The following MYO7B variants were observed in gnomAD, a reference collection of about 807,000 sequenced individuals.
The protein encoded by MYO7B is myosin VIIB.
MYO7B carries 212 observed loss-of-function variants against 259.7 expected under a neutral mutation model. The observed-to-expected ratio is 0.82, with a 90% confidence interval of 0.73 to 0.91. MYO7B has a LOEUF of 0.91. Ranked by LOEUF, MYO7B falls within the 40% of genes least tolerant of loss-of-function variation. The pLI, the probability that MYO7B is intolerant of heterozygous loss-of-function variation, is 0.00. For synonymous variants in MYO7B, 1,197 were observed against 1,166.4 expected (o/e 1.03, Z -0.54); for missense variants, 2,732 against 2,813.5 (o/e 0.97, Z 0.66).
At chr2:127,564,497 CA>C (rs1303962722) in intron 3 of MYO7B, among the ~76,000 whole-genome samples, 3 of 152,072 alleles carry the variant, frequency 2.0e-5, no homozygotes, top group Non-Finnish European at 4.4e-5. Flanking sequence ...CTGGAAGGGC[CA>C]GAGGGGCAGA....
chr2:127,583,521 G>A (rs181045539), intron 12 of MYO7B, among the ~76,000 whole-genome samples: 1 of 152,208 alleles, frequency 6.6e-6, no homozygotes, highest in African/African-American at 2.4e-5. Context: ...AGACAGCATG[G>A]GCCAGACTTT....
chr2:127,536,102 G>T (rs1443836661), intron 1 of MYO7B, among the ~76,000 whole-genome samples: 1 of 152,290 alleles, frequency 6.6e-6, no homozygotes, highest in South Asian at 2.1e-4. Context: ...ACTCCCTGCA[G>T]GAGGGGAACG....
Position 127,597,290 on chromosome 2 carries a change from C to T in MYO7B, c.2339+734C>T, listed in dbSNP as rs1309586986. On this transcript the variant is annotated intron_variant, in intron 19 of 47. Transcript: ENST00000409816. The surrounding 1 kb of genome is among the most constrained non-coding windows in gnomAD (Gnocchi z 4.8). ...CTGACTCCCAACATTTTAAATTAAA[C>T]TTTTTGTTTTGAGATTACTGTAGAT... 6.6e-6 allele frequency among the ~76,000 whole-genome samples: 1 copy of T among 152,202 alleles called. No individual in the cohort carries two copies. Among genetic ancestry groups the T allele is most frequent in the East Asian group, 1.9e-4 (1 of 5,202 alleles).
Position 127,569,804 on chromosome 2 carries a change from T to G in MYO7B, c.486T>G (p.Ala162=). The change falls in exon 6 of 48, where the codon GCT becomes GCG. Residue 162 remains alanine (A), a synonymous_variant. Transcript: ENST00000409816. ...QCCIISGESG[A]GKTETTKLIL... Reference sequence around the variant, plus strand: ...CTTTTTGCAGCGGCGAGTCTGGGGCTGGCAAGACGGAGACCACCAAGCTCA... The same window carrying G: ...CTTTTTGCAGCGGCGAGTCTGGGGCGGGCAAGACGGAGACCACCAAGCTCA... 1 of 1,612,142 alleles carries G rather than the reference T, an allele frequency of 6.2e-7. No individual in the cohort carries two copies.
chr2:127,626,105 G>A (rs1681095175), intron 31 of MYO7B: 1 of 152,332 alleles, frequency 6.6e-6, no homozygotes, highest in Admixed American at 6.5e-5. Context: ...AGTTCGGTTG[G>A]ATATTATAGT....
rs1248857373 is a variant in MYO7B, at chr2:127,612,481, C to T, written c.3276C>T (p.Ala1092=). ...GGCTGCCTTTGGGTTTCAAGGTGGC[C>T]AGCCAGCTGAACATTGGAGAGGAGG... ...KRSSRITGQV[A]SQLNIGEEAL... The change falls in exon 26 of 48, where the codon GCC becomes GCT. Residue 1092 remains alanine, a synonymous_variant. Transcript: ENST00000409816. The T allele has an allele frequency of 1.3e-6, 2 of 1,553,476 alleles. No homozygotes were observed. Among genetic ancestry groups the T allele is most frequent in the Admixed American group, 3.9e-5 (2 of 51,174 alleles).
chr2:127,588,356 A>C, intron 14 of MYO7B, 36 bp from the exon 15 acceptor site: 1 of 1,607,404 alleles, frequency 6.2e-7, no homozygotes, highest in Middle Eastern at 1.8e-4. Context: ...AGTGATGGCT[A>C]AGCTGGGATG....
rs1677960832 is a variant in MYO7B, at chr2:127,559,147, G to A, written c.-23-553G>A. On this transcript the variant is annotated intron_variant, in intron 1 of 47. Coordinates refer to ENST00000409816, the MANE Select transcript of MYO7B (RefSeq NM_001393586.1). This position sits in a 1 kb window ranked among gnomAD's most constrained non-coding sequence, Gnocchi z 4.1. ...CCTGCTGGGCCTGGCTGCCTACTTG[G>A]GCCTGGCTGCCTGCTCCCTCTAGAA... Among the ~76,000 whole-genome samples the A allele has an allele frequency of 1.3e-5, 2 of 152,152 alleles. No individual in the cohort carries two copies. Among genetic ancestry groups the A allele is most frequent in the Admixed American group, 1.3e-4 (2 of 15,272 alleles).
intron 1 of MYO7B, among the ~76,000 whole-genome samples, chr2:127,548,359 ATTC>A (rs903194743): frequency 9.4e-5 from 14 of 149,342 alleles, no homozygotes; most frequent in African/African-American, 2.2e-4. Flanking sequence ...TTAGGATGAT[ATTC>A]TTCTTCTTTC....
At chr2:127,550,438 T>C (rs1341741775) in intron 1 of MYO7B, among the ~76,000 whole-genome samples, 4 of 151,974 alleles carry the variant, frequency 2.6e-5, no homozygotes, top group Non-Finnish European at 5.9e-5. Context: ...TGGTGGAGCA[T>C]GCCCATAGTC....
chr2:127,626,813 C>T, intron 31 of MYO7B, 162 bp from the exon 32 acceptor site: 1 of 639,190 alleles, frequency 1.6e-6, no homozygotes, highest in Non-Finnish European at 2.8e-6. Flanking sequence ...CTGCACCAGT[C>T]CCTGGGGACG....
chr2:127,545,007 G>T (rs940839746), intron 1 of MYO7B, among the ~76,000 whole-genome samples: 1 of 152,188 alleles, frequency 6.6e-6, no homozygotes, highest in African/African-American at 2.4e-5. Flanking sequence ...TTACAGGTGT[G>T]AGCCACCGCA....
chr2:127,631,641 T>C lies in MYO7B; in HGVS notation c.5137T>C (p.Trp1713Arg), dbSNP rs1681516177. The C allele has an allele frequency of 6.2e-7, 1 of 1,612,986 alleles. No individual in the cohort carries two copies. Among genetic ancestry groups the C allele is most frequent in the Admixed American group, 1.7e-5 (1 of 59,994 alleles). The change falls in exon 38 of 48, where the codon TGG becomes CGG. Residue 1713 changes from tryptophan (W) to arginine (R), a missense_variant. Physicochemically the swap from Trp to Arg is moderately radical, Grantham distance 101. Transcript: ENST00000409816. ...GGGCGACTACCCTTCTCGGCAGGCC[T>C]GGCCCACCCTGGAGCTCACCGACCA... ...YMGDYPSRQA[W>R]PTLELTDQIF...
chr2:127,544,289 T>C (rs114730313), intron 1 of MYO7B, among the ~76,000 whole-genome samples: 1,546 of 152,258 alleles, frequency 0.01, 32 homozygotes, highest in African/African-American at 0.035. Flanking sequence ...CTATAAAACA[T>C]ATATTATTTT....
intron 6 of MYO7B, 33 bp downstream of exon 6, chr2:127,569,943 C>G: frequency 6.3e-7 from 1 of 1,594,546 alleles, no homozygotes; most frequent in Admixed American, 1.7e-5. Context: ...CCCTTCTCCC[C>G]CAGCCCCCCT....
At chr2:127,575,231 T>C (rs1275547430) in intron 7 of MYO7B, among the ~76,000 whole-genome samples, 1 of 152,164 alleles carries the variant, frequency 6.6e-6, no homozygotes, top group African/African-American at 2.4e-5. Context: ...ATTGTACAGA[T>C]GAGAAAACTG....
At position 127,546,653 on chromosome 2, in the gene MYO7B, T is replaced by C. The variant is rs1279915060; in HGVS notation, c.-24+10822T>C. 1.3e-5 allele frequency among the ~76,000 whole-genome samples: 2 copies of C among 152,140 alleles called. No homozygotes were observed. Among genetic ancestry groups the C allele is most frequent in the Non-Finnish European group, 2.9e-5 (2 of 68,004 alleles). On this transcript the variant is annotated intron_variant, in intron 1 of 47. Coordinates refer to ENST00000409816, the MANE Select transcript of MYO7B (RefSeq NM_001393586.1). This position sits in a 1 kb window ranked among gnomAD's most constrained non-coding sequence, Gnocchi z 4.2. ...AGCCACACTGACCTGCCTCAGGGCT[T>C]AACAAAAGGAACTGGACTAAGAAGT...
In MYO7B at chr2:127,628,194, C is replaced by A. The variant is rs201044032; in HGVS notation, c.4461-178C>A. The A allele has an allele frequency of 5.1e-6, 4 of 779,372 alleles. No homozygotes were observed. Among genetic ancestry groups the A allele is most frequent in the African/African-American group, 5.1e-5 (3 of 58,634 alleles). 48.3% of individuals were successfully genotyped at this position (779,372 alleles called of 1,614,324 possible). Reference sequence around the variant, plus strand: ...TCAGCCTCCGAGAGGTCCTGTGCTCCGCCGTCCTTCATTTGTCCAGACCCA... The same window carrying A: ...TCAGCCTCCGAGAGGTCCTGTGCTCAGCCGTCCTTCATTTGTCCAGACCCA... On this transcript the variant is annotated intron_variant, in intron 33 of 47. Transcript: ENST00000409816. This position sits in a 1 kb window ranked among gnomAD's most constrained non-coding sequence, Gnocchi z 4.8.
Position 127,539,247 on chromosome 2 carries a change from C to T in MYO7B, c.-24+3416C>T, listed in dbSNP as rs972427568. Among the ~76,000 whole-genome samples, 12 of 152,098 alleles carry T rather than the reference C, an allele frequency of 7.9e-5. No individual in the cohort carries two copies. The East Asian group carries it at 9.6e-4, about 12-fold the overall frequency. ...GAATCAAAAATAAAATAAGCTGGGA[C>T]GTAGGATAAATGAAGGTAGGAAAAT... On this transcript the variant is annotated intron_variant, in intron 1 of 47. Transcript: ENST00000409816. This position sits in a 1 kb window ranked among gnomAD's most constrained non-coding sequence, Gnocchi z 4.0.
Sources: gnomAD v4.1 joint callset for allele counts (sites outside exome capture counted in the v4.1 genomes callset) on GRCh38, gnomAD v4.1.1 for gene constraint, Gnocchi (gnomAD v3.1) non-coding constraint, MANE v1.5 for transcripts, NCBI Gene and HGNC (gene_info 2026-07-23, HGNC 2026-07-21) for gene names.